The following USP12 variants were observed in gnomAD, a reference collection of about 807,000 sequenced individuals.
USP12 encodes ubiquitin specific peptidase 12, also known as ubiquitin carboxyl-terminal hydrolase 12.
In USP12, 19 loss-of-function variants were observed where a neutral mutation model predicts 45.5. The ratio of observed to expected loss-of-function variants is 0.42; its 90% confidence interval spans 0.29 to 0.61. The LOEUF is 0.61. Among genes scored for constraint, USP12 ranks in the 20% least tolerant of loss-of-function variants. The pLI is 0.22. For missense variants in USP12, 242 were observed against 447.7 expected, an observed-to-expected ratio of 0.54 and a Z score of 4.15; for synonymous variants, 149 against 148.8, an observed-to-expected ratio of 1.00 and a Z score of -0.01.
intron 6 of USP12, among the ~76,000 whole-genome samples, chr13:27,083,606 T>G (rs1343313327): frequency 6.6e-6 from 1 of 152,190 alleles, no homozygotes. Context: ...TTTCCCACAC[T>G]GCTATCTTTC....
chr13:27,107,910 T>C (rs1050911152), intron 2 of USP12, among the ~76,000 whole-genome samples: 10 of 151,756 alleles, frequency 6.6e-5, no homozygotes, highest in East Asian at 3.9e-4. Flanking sequence ...TGTGGAGAAA[T>C]AGGAACACTT....
chr13:27,142,696 C>A (rs2137822024), intron 1 of USP12, among the ~76,000 whole-genome samples: 1 of 152,246 alleles, frequency 6.6e-6, no homozygotes, highest in Non-Finnish European at 1.5e-5. Flanking sequence ...GGGGCTTCCA[C>A]TGGCAAAATC....
At chr13:27,071,010 A>G (rs1873224586) in intron 8 of USP12, 61 bp downstream of exon 8, 1 of 1,402,942 alleles carries the variant, frequency 7.1e-7, no homozygotes, top group Middle Eastern at 2.6e-4. Context: ...ACTATGAGAA[A>G]AAAGTGAAAA....
At chr13:27,092,072 T>A (rs556881068) in intron 4 of USP12, among the ~76,000 whole-genome samples, 1 of 152,348 alleles carries the variant, frequency 6.6e-6, no homozygotes, top group South Asian at 2.1e-4. Context: ...CAGAGGCTTA[T>A]GTCTTACTCA....
chr13:27,076,154 C>T (rs1351309565), intron 6 of USP12, among the ~76,000 whole-genome samples: 1 of 151,506 alleles, frequency 6.6e-6, no homozygotes, highest in Non-Finnish European at 1.5e-5. Context: ...TACAGACTGA[C>T]AATAGGAGAC....
chr13:27,143,015 C>G (rs1877135958), intron 1 of USP12, among the ~76,000 whole-genome samples: 1 of 151,440 alleles, frequency 6.6e-6, no homozygotes, highest in African/African-American at 2.4e-5. Flanking sequence ...ATCGCTTGAA[C>G]TGGGGAGGCG....
chr13:27,157,698 G>A (rs184455102), intron 1 of USP12, among the ~76,000 whole-genome samples: 42 of 151,738 alleles, frequency 2.8e-4, no homozygotes, highest in Non-Finnish European at 4.0e-4. Context: ...TCACTTCCTC[G>A]CCAGGACCTT....
At chr13:27,128,305 A>G (rs962350207) in intron 1 of USP12, among the ~76,000 whole-genome samples, 1 of 152,168 alleles carries the variant, frequency 6.6e-6, no homozygotes, top group Admixed American at 6.5e-5. Context: ...TCCAAGAACC[A>G]CTCTGTCAAG....
intron 8 of USP12, among the ~76,000 whole-genome samples, chr13:27,070,396 TGTGA>T (rs1405657084): frequency 6.6e-6 from 1 of 152,140 alleles, no homozygotes; most frequent in African/African-American, 2.4e-5. Flanking sequence ...TAGTTACAAA[TGTGA>T]GTGTGTGAGT....
At position 27,156,356 on chromosome 13, in the gene USP12, A is replaced by G. The variant is rs182050778; in HGVS notation, c.48+15236T>C. 2.1e-3 allele frequency among the ~76,000 whole-genome samples: 327 copies of G among 152,372 alleles called. 2 individuals are homozygous for G. The Middle Eastern group carries it at 0.027, about 13-fold the overall frequency. On this transcript the variant is annotated intron_variant, in intron 1 of 8. Transcript: ENST00000282344. ...CAAAGTACAGAAAATGAAAAAAGCT[A>G]TGTGACAATCTGATTTCCTCAAAAG...
intron 2 of USP12, among the ~76,000 whole-genome samples, chr13:27,112,763 T>G (rs1875517700): frequency 6.6e-6 from 1 of 152,154 alleles, no homozygotes; most frequent in African/African-American, 2.4e-5. Context: ...CATATACAGA[T>G]AGAGTATAGG....
intron 2 of USP12, among the ~76,000 whole-genome samples, chr13:27,113,067 C>T (rs2137794330): frequency 6.6e-6 from 1 of 152,206 alleles, no homozygotes; most frequent in East Asian, 1.9e-4. Context: ...GACCCCATCT[C>T]TACAAAAACC....
At chr13:27,160,280 G>C (rs1878045114) in intron 1 of USP12, among the ~76,000 whole-genome samples, 1 of 152,158 alleles carries the variant, frequency 6.6e-6, no homozygotes, top group Non-Finnish European at 1.5e-5. Flanking sequence ...GATGTGTATA[G>C]TGAGAAAACA....
chr13:27,132,472 T>C (rs1332025837), intron 1 of USP12, among the ~76,000 whole-genome samples: 2 of 152,100 alleles, frequency 1.3e-5, no homozygotes, highest in South Asian at 2.1e-4. Flanking sequence ...AACAGAAATA[T>C]AGCCCTCACT....
intron 2 of USP12, among the ~76,000 whole-genome samples, chr13:27,106,626 C>G (rs924543334): frequency 1.3e-5 from 2 of 151,796 alleles, no homozygotes; most frequent in African/African-American, 4.8e-5. Context: ...CAAGTATATA[C>G]AGTATTAGGT....
chr13:27,161,624 G>A lies in USP12; in HGVS notation c.48+9968C>T, dbSNP rs115958412. Among the ~76,000 whole-genome samples the A allele has an allele frequency of 6.5e-3, 983 of 152,238 alleles. 13 individuals carry two copies. The highest frequency in any genetic ancestry group is 0.023 in the African/African-American group (936 of 41,542). On this transcript the variant is annotated intron_variant, in intron 1 of 8. Coordinates refer to ENST00000282344, the MANE Select transcript of USP12 (RefSeq NM_182488.4). Reference sequence around the variant, plus strand: ...ACAGGCCAGGTGCAGTGGTTCACACGTGTAATTGCAGCATTTTGGGAGGCC... The same window carrying A: ...ACAGGCCAGGTGCAGTGGTTCACACATGTAATTGCAGCATTTTGGGAGGCC...
intron 6 of USP12, among the ~76,000 whole-genome samples, chr13:27,078,415 A>G (rs546368826): frequency 6.6e-6 from 1 of 150,770 alleles, no homozygotes; most frequent in Non-Finnish European, 1.5e-5. Context: ...TCCTGGAACC[A>G]ACTGATACGG....
Position 27,155,104 on chromosome 13 carries a change from C to T in USP12, c.48+16488G>A, listed in dbSNP as rs1299950618. 5.9e-5 allele frequency among the ~76,000 whole-genome samples: 5 copies of T among 85,142 alleles called. No individual in the cohort carries two copies. In the Admixed American group the frequency reaches 7.1e-4, roughly 12 times the overall value. The allele number at this position is 85,142 out of a possible 152,430, so 55.9% of individuals were successfully genotyped here. ...TTTTTTTTTTTTTTTTTTTTTGAGA[C>T]GGAACCTCGCTCTGTCACCCAGACT... On this transcript the variant is annotated intron_variant, in intron 1 of 8. Transcript: ENST00000282344.
intron 1 of USP12, among the ~76,000 whole-genome samples, chr13:27,139,598 A>C (rs773706569): frequency 8.5e-5 from 13 of 152,188 alleles, no homozygotes; most frequent in Non-Finnish European, 1.8e-4. Context: ...CCTGGGAGAA[A>C]GAGCAAGACT....
Sources: allele counts gnomAD v4.1 joint callset (sites outside exome capture counted in the v4.1 genomes callset), GRCh38; gene constraint gnomAD v4.1.1; transcripts MANE v1.5; gene names NCBI Gene and HGNC (gene_info 2026-07-23, HGNC 2026-07-21).